Variants in ST6GALNAC6 observed in about 807,000 individuals in gnomAD.
ST6GALNAC6 encodes the protein ST6 N-acetylgalactosaminide alpha-2,6-sialyltransferase 6, also known as alpha-N-acetylgalactosaminide alpha-2,6-sialyltransferase 6.
In ST6GALNAC6, 19 loss-of-function variants were observed where a neutral mutation model predicts 34.3. That is an observed-to-expected ratio of 0.55 (90% CI 0.39 to 0.81). The LOEUF is 0.81. Ranked by LOEUF, ST6GALNAC6 falls within the 40% of genes least tolerant of loss-of-function variation. The pLI is 0.00. For missense variants in ST6GALNAC6, 377 were observed against 467.7 expected (o/e 0.81, Z 1.79); for synonymous variants, 185 against 182.1 (o/e 1.02, Z -0.13).
chr9:127,886,337 C>A lies in ST6GALNAC6; in HGVS notation c.*262G>T. The A allele has an allele frequency of 1.0e-6, 1 of 987,986 alleles. No individual in the cohort carries two copies. Among genetic ancestry groups the A allele is most frequent in the Admixed American group, 3.3e-5 (1 of 30,760 alleles). The allele number at this position is 987,986 out of a possible 1,614,324, so 61.2% of individuals were successfully genotyped here. A position where few individuals can be genotyped will look rare whatever the true frequency, so the allele number is the denominator to read the frequency against. ...TAGCCTCAGATTGACTCAGAAATAC[C>A]CCCTCTACCCTGATTGACTGTGCGC... On this transcript the variant is annotated 3_prime_UTR_variant, in exon 7 of 7. Transcript: ENST00000373146.
rs898516444 is a variant in ST6GALNAC6, at chr9:127,893,362, A to G, written c.297+1150T>C. On this transcript the variant is annotated intron_variant, in intron 4 of 6. Coordinates refer to ENST00000373146, the MANE Select transcript of ST6GALNAC6 (RefSeq NM_013443.5). ...ATTTCCACAGCACCCAGAAACAAGAACCACCTTGTTATTAAGGAAGGTGTG... is the reference window on the plus strand; with the variant it reads ...ATTTCCACAGCACCCAGAAACAAGAGCCACCTTGTTATTAAGGAAGGTGTG... Among the ~76,000 whole-genome samples the G allele has an allele frequency of 5.3e-5, 8 of 152,026 alleles. No individual in the cohort carries two copies. The East Asian group carries it at 1.3e-3, about 26-fold the overall frequency.
chr9:127,895,302 T>G (rs565252197), intron 3 of ST6GALNAC6, among the ~76,000 whole-genome samples: 1 of 152,242 alleles, frequency 6.6e-6, no homozygotes, highest in Non-Finnish European at 1.5e-5. Context: ...GCTCCTTCAG[T>G]GCACACGGCC....
Position 127,885,806 on chromosome 9 carries a change from C to T in ST6GALNAC6, c.*793G>A, listed in dbSNP as rs1829722017. The T allele has an allele frequency of 6.6e-6, 1 of 152,198 alleles. No individual in the cohort carries two copies. Among genetic ancestry groups the T allele is most frequent in the South Asian group, 2.1e-4 (1 of 4,830 alleles). 9.4% of individuals were successfully genotyped at this position (152,198 alleles called of 1,614,324 possible). Reference sequence around the variant, plus strand: ...TCCCGTTTCCTTCAGAGTCCCCCAACCCTGAAGGAGTTTGCGCAAAAATAC... The same window carrying T: ...TCCCGTTTCCTTCAGAGTCCCCCAATCCTGAAGGAGTTTGCGCAAAAATAC... On this transcript the variant is annotated 3_prime_UTR_variant, in exon 7 of 7. Coordinates refer to ENST00000373146, the MANE Select transcript of ST6GALNAC6 (RefSeq NM_013443.5).
At chr9:127,905,063 G>GCCC (rs1436640954) in intron 1 of ST6GALNAC6, 1 of 310,264 alleles carries the variant, frequency 3.2e-6, no homozygotes, top group African/African-American at 2.3e-5. Flanking sequence ...TCCCCTCTGG[G>GCCC]CTTGGAGGAA....
intron 2 of ST6GALNAC6, chr9:127,897,073 C>T (rs1015600778): frequency 1.1e-6 from 1 of 872,116 alleles, no homozygotes; most frequent in African/African-American, 1.8e-5. Context: ...GCTGTAATCA[C>T]AGTCTCAGGG....
chr9:127,888,724 T>C (rs1243868117), intron 5 of ST6GALNAC6, among the ~76,000 whole-genome samples: 1 of 152,066 alleles, frequency 6.6e-6, no homozygotes, highest in Non-Finnish European at 1.5e-5. Flanking sequence ...GAGAATCGCT[T>C]GAACTTGGGA....
chr9:127,897,485 C>A (rs751583701), intron 2 of ST6GALNAC6: 46 of 962,932 alleles, frequency 4.8e-5, no homozygotes, highest in Non-Finnish European at 5.7e-5. Context: ...CGCCCCCTCT[C>A]CAACCCCGCC....
chr9:127,905,716 C>T (rs1390390282), upstream of ST6GALNAC6, among the ~76,000 whole-genome samples: 3 of 152,190 alleles, frequency 2.0e-5, no homozygotes, highest in Non-Finnish European at 4.4e-5. Flanking sequence ...CCTGCTATGT[C>T]CTAAGCCATG....
In ST6GALNAC6 at chr9:127,885,406, T is replaced by C; in HGVS notation, c.*1193A>G. ...ACCGCCCCCACCCATCACCCCAGTGTGCAATGGCTAGCTGCTGGCCTCCTC... is the reference window on the plus strand; with the variant it reads ...ACCGCCCCCACCCATCACCCCAGTGCGCAATGGCTAGCTGCTGGCCTCCTC... On this transcript the variant is annotated 3_prime_UTR_variant, in exon 7 of 7. Transcript: ENST00000373146. 1 of 152,688 alleles carries C rather than the reference T, an allele frequency of 6.5e-6. No individual in the cohort carries two copies. The highest frequency in any genetic ancestry group is 1.5e-5 in the Non-Finnish European group (1 of 68,368). 9.5% of individuals were successfully genotyped at this position (152,688 alleles called of 1,614,324 possible).
At chr9:127,899,741 C>G, upstream of ST6GALNAC6, 2 of 833,240 alleles carry the variant, frequency 2.4e-6, no homozygotes, top group Non-Finnish European at 2.9e-6. Flanking sequence ...GAGGCGGACC[C>G]GGGTGCCGCC....
intron 2 of ST6GALNAC6, chr9:127,896,813 A>C (rs938210369): frequency 2.1e-6 from 2 of 964,106 alleles, no homozygotes; most frequent in Admixed American, 1.2e-4. Flanking sequence ...CCTGGCATGG[A>C]CCAGGAACTC....
chr9:127,895,450 T>A (rs1315022573), intron 3 of ST6GALNAC6, among the ~76,000 whole-genome samples: 1 of 152,174 alleles, frequency 6.6e-6, no homozygotes, highest in South Asian at 2.1e-4. Context: ...CTGCAGCACC[T>A]GGAGGCTGGC....
intron 4 of ST6GALNAC6, 117 bp downstream of exon 4, chr9:127,894,395 A>T: frequency 7.7e-7 from 1 of 1,304,322 alleles, no homozygotes; most frequent in African/African-American, 1.5e-5. Flanking sequence ...CAGCAAGATG[A>T]AATCACCGGA....
chr9:127,887,182 A>C (rs1470437513), intron 6 of ST6GALNAC6, among the ~76,000 whole-genome samples: 1 of 152,164 alleles, frequency 6.6e-6, no homozygotes, highest in Non-Finnish European at 1.5e-5. Flanking sequence ...GGAGTAAGTG[A>C]GAGACTACAT....
exon 1 of ST6GALNAC6, chr9:127,905,326 C>G (rs1215274495): frequency 2.8e-5 from 28 of 985,464 alleles, no homozygotes; most frequent in Non-Finnish European, 3.3e-5. Flanking sequence ...TCTCCATCTG[C>G]CTGGAGGAAG....
intron 1 of ST6GALNAC6, 79 bp from the exon 2 acceptor site, chr9:127,898,089 G>A: frequency 1.2e-6 from 1 of 802,562 alleles, no homozygotes; most frequent in East Asian, 2.7e-5. Flanking sequence ...AGGGACACGC[G>A]GGGCTTGAAA....
In ST6GALNAC6 at chr9:127,896,256, T is replaced by C; in HGVS notation, c.103A>G (p.Met35Val). The change falls in exon 3 of 7, where the codon ATG (methionine) becomes GTG (valine). Residue 35 changes from methionine (M) to valine (V), a missense_variant. Met to Val is a conservative substitution (Grantham distance 21). Transcript: ENST00000373146. ...HLPLSRRRREMSSNKEQRSAV... is the reference protein window; with the variant it reads ...HLPLSRRRREVSSNKEQRSAV... Reference sequence around the variant, plus strand: ...GGCAGACTTACTTTGTTGCTACTCATTTCTCTCCGGCGTCTGCTGAGGGGT... The same window carrying C: ...GGCAGACTTACTTTGTTGCTACTCACTTCTCTCCGGCGTCTGCTGAGGGGT... 1 of 1,614,132 alleles carries C rather than the reference T, an allele frequency of 6.2e-7. No homozygotes were observed. The highest frequency in any genetic ancestry group is 8.5e-7 in the Non-Finnish European group (1 of 1,179,986).
intron 6 of ST6GALNAC6, among the ~76,000 whole-genome samples, chr9:127,887,047 A>C (rs1829812521): frequency 6.6e-6 from 1 of 150,920 alleles, no homozygotes; most frequent in Admixed American, 6.6e-5. Context: ...GGCTGTGAGC[A>C]CTGGAGCCTG....
chr9:127,899,586 T>C lies in ST6GALNAC6; in HGVS notation c.-113A>G. Reference sequence around the variant, plus strand: ...AGCCGAGCGCCGGGGTCCGCGCTCCTCAGGCCGCCCAGGCCTCGCCGCACC... The same window carrying C: ...AGCCGAGCGCCGGGGTCCGCGCTCCCCAGGCCGCCCAGGCCTCGCCGCACC... On this transcript the variant is annotated 5_prime_UTR_variant, in exon 1 of 7. Coordinates refer to ENST00000373146, the MANE Select transcript of ST6GALNAC6 (RefSeq NM_013443.5). 1.0e-6 allele frequency: 1 copy of C among 981,046 alleles called. No individual in the cohort carries two copies. The highest frequency in any genetic ancestry group is 1.2e-6 in the Non-Finnish European group (1 of 828,340). 60.8% of individuals were successfully genotyped at this position (981,046 alleles called of 1,614,324 possible).
Sources: allele counts gnomAD v4.1 joint callset (sites outside exome capture counted in the v4.1 genomes callset), GRCh38; gene constraint gnomAD v4.1.1; transcripts MANE v1.5; gene names NCBI Gene and HGNC (gene_info 2026-07-23, HGNC 2026-07-21).